FAM78B: variants seen among roughly 807,000 people sequenced by gnomAD.
FAM78B encodes the protein protein FAM78B.
Under a neutral mutation model 20.0 loss-of-function variants are expected in FAM78B, and 10 were observed. The ratio of observed to expected loss-of-function variants is 0.50; its 90% CI spans 0.31 to 0.85. The LOEUF (loss-of-function observed/expected upper bound fraction) is 0.85. FAM78B is among the 40% of genes least tolerant of loss of function. The pLI, the probability that FAM78B is intolerant of heterozygous loss-of-function variation, is 0.05. For synonymous variants in FAM78B, 135 were observed against 132.8 expected (o/e 1.02, Z -0.12); for missense variants, 283 against 345.0 (o/e 0.82, Z 1.42).
intron 1 of FAM78B, among the ~76,000 whole-genome samples, chr1:166,118,549 T>A (rs1369569730): frequency 6.6e-6 from 1 of 152,158 alleles, no homozygotes; most frequent in Non-Finnish European, 1.5e-5. Flanking sequence ...TGTTTTTATA[T>A]TAATAAATGA....
At chr1:166,130,981 CTTTTTT>C (rs869158425) in intron 1 of FAM78B, among the ~76,000 whole-genome samples, 6 of 114,066 alleles carry the variant, frequency 5.3e-5, no homozygotes, top group Admixed American at 2.6e-4. Context: ...TCCCCAGGTG[CTTTTTT>C]TTTTTTTTTT....
At chr1:166,116,276 C>T (rs1382196853) in intron 1 of FAM78B, among the ~76,000 whole-genome samples, 1 of 152,210 alleles carries the variant, frequency 6.6e-6, no homozygotes, top group Non-Finnish European at 1.5e-5. Flanking sequence ...CTGACCAGAA[C>T]CAGAGATGGG....
intron 1 of FAM78B, among the ~76,000 whole-genome samples, chr1:166,150,597 ATG>A (rs904034539): frequency 3.9e-5 from 6 of 152,224 alleles, no homozygotes; most frequent in African/African-American, 1.4e-4. Context: ...ACAAAGTAAA[ATG>A]TGAAAAAACT....
rs139487435 is a variant in FAM78B at position 166,136,465 on chromosome 1, C to G, written c.263+29521G>C. Among the ~76,000 whole-genome samples, 316 of 152,220 alleles carry G rather than the reference C, an allele frequency of 2.1e-3. 1 individual carries two copies. Among genetic ancestry groups the G allele is most frequent in the African/African-American group, 7.4e-3 (308 of 41,518 alleles). Reference sequence around the variant, plus strand: ...GTAACAGAGCAGCCATCTCCAGATGCCTTATCTCTCTGCCCTCACAGCTGC... The same window carrying G: ...GTAACAGAGCAGCCATCTCCAGATGGCTTATCTCTCTGCCCTCACAGCTGC... On this transcript the variant is annotated intron_variant, in intron 1 of 1. Transcript: ENST00000354422.
At chr1:166,163,847 C>A (rs757418373) in intron 1 of FAM78B, among the ~76,000 whole-genome samples, 4 of 152,150 alleles carry the variant, frequency 2.6e-5, no homozygotes, top group Non-Finnish European at 4.4e-5. Flanking sequence ...TATTGGGGGT[C>A]TATTTTTGCT....
intron 1 of FAM78B, among the ~76,000 whole-genome samples, chr1:166,126,472 C>T (rs1180648524): frequency 6.6e-6 from 1 of 152,032 alleles, no homozygotes; most frequent in East Asian, 1.9e-4. Flanking sequence ...CTGGGAGTGC[C>T]AGGGAATGGT....
chr1:166,111,709 T>C (rs10918367), intron 1 of FAM78B, among the ~76,000 whole-genome samples: 29,703 of 152,136 alleles, frequency 0.2, 3,303 homozygotes, highest in East Asian at 0.37. Context: ...TGGGGGTTTT[T>C]CAGGGGATCC....
intron 1 of FAM78B, among the ~76,000 whole-genome samples, chr1:166,073,470 C>T (rs1163499356): frequency 6.6e-6 from 1 of 151,872 alleles, no homozygotes; most frequent in African/African-American, 2.4e-5. Flanking sequence ...CTAATGTACA[C>T]CCCAAGGCAG....
intron 1 of FAM78B, among the ~76,000 whole-genome samples, chr1:166,089,428 G>A (rs1652978427): frequency 6.6e-6 from 1 of 152,178 alleles, no homozygotes; most frequent in Non-Finnish European, 1.5e-5. Flanking sequence ...GGGGCAAGAG[G>A]ATGGAGGAGA....
intron 1 of FAM78B, among the ~76,000 whole-genome samples, chr1:166,104,319 G>C (rs12144318): frequency 0.19 from 29,540 of 151,676 alleles, 3,289 homozygotes; most frequent in East Asian, 0.38. Flanking sequence ...TCTCTCACCA[G>C]TCCTATTCAA....
intron 1 of FAM78B, among the ~76,000 whole-genome samples, chr1:166,083,711 T>A (rs1388811952): frequency 6.6e-6 from 1 of 151,736 alleles, no homozygotes; most frequent in Non-Finnish European, 1.5e-5. Flanking sequence ...ACTATGTTGA[T>A]CAGGATGGTC....
chr1:166,131,897 G>A (rs1654890341), intron 1 of FAM78B, among the ~76,000 whole-genome samples: 1 of 152,134 alleles, frequency 6.6e-6, no homozygotes, highest in Non-Finnish European at 1.5e-5. Flanking sequence ...AGTCAGCTGG[G>A]GGCAGAAGAC....
At chr1:166,145,562 G>C (rs1310143961) in intron 1 of FAM78B, among the ~76,000 whole-genome samples, 1 of 152,228 alleles carries the variant, frequency 6.6e-6, no homozygotes, top group African/African-American at 2.4e-5. Flanking sequence ...GGATGAGTCA[G>C]ATGTTTTCCA....
chr1:166,109,618 T>C (rs1405042447), intron 1 of FAM78B, among the ~76,000 whole-genome samples: 2 of 151,166 alleles, frequency 1.3e-5, no homozygotes, highest in Non-Finnish European at 2.9e-5. Flanking sequence ...CTTAAAGAAC[T>C]AAAAGTAGAA....
rs573357262 is a variant in FAM78B, at chr1:166,124,414, C to T, written c.263+41572G>A. 2.6e-5 allele frequency among the ~76,000 whole-genome samples: 4 copies of T among 152,320 alleles called. No individual in the cohort carries two copies. In the South Asian group the frequency reaches 8.3e-4, roughly 32 times the overall value. ...CACGTAGCACTTACTATATGCCAGG[C>T]ACTGTTCTAGGCATTTGGTATATTT... On this transcript the variant is annotated intron_variant, in intron 1 of 1. Coordinates refer to ENST00000354422, the MANE Select transcript of FAM78B (RefSeq NM_001017961.5).
intron 1 of FAM78B, among the ~76,000 whole-genome samples, chr1:166,132,542 T>C (rs914101724): frequency 6.6e-6 from 1 of 152,224 alleles, no homozygotes; most frequent in South Asian, 2.1e-4. Context: ...TCAACCATTA[T>C]GACAAAGGGC....
intron 1 of FAM78B, among the ~76,000 whole-genome samples, chr1:166,121,673 G>A (rs1201754537): frequency 6.6e-6 from 1 of 152,168 alleles, no homozygotes; most frequent in Admixed American, 6.5e-5. Context: ...CCAAGGTTTA[G>A]CTGTCCCAAG....
rs1557891107 is a variant in FAM78B at position 166,077,924 on chromosome 1, TAA to T, written c.264-7163_264-7162del. Among the ~76,000 whole-genome samples, 12 of 1,390 alleles carry T rather than the reference TAA, an allele frequency of 8.6e-3. 2 individuals are homozygous for T. Among genetic ancestry groups the T allele is most frequent in the African/African-American group, 0.019 (12 of 616 alleles). 0.9% of individuals were successfully genotyped at this position (1,390 alleles called of 152,430 possible). On this transcript the variant is annotated intron_variant, in intron 1 of 1. Coordinates refer to ENST00000354422, the MANE Select transcript of FAM78B (RefSeq NM_001017961.5). ...TTTATATATATAATTATATATATAATAAATATATAATAATATATATAATTTAT... is the reference window on the plus strand; with the variant it reads ...TTTATATATATAATTATATATATAATATATATAATAATATATATAATTTAT...
chr1:166,061,562 G>A (rs1033430852), intron 2 of FAM78B, among the ~76,000 whole-genome samples: 12 of 152,148 alleles, frequency 7.9e-5, no homozygotes, highest in Admixed American at 6.5e-4. Flanking sequence ...AGTAGACAAC[G>A]CCATTACATA....
Sources: gnomAD v4.1 joint callset for allele counts (sites outside exome capture counted in the v4.1 genomes callset) on GRCh38, gnomAD v4.1.1 for gene constraint, MANE v1.5 for transcripts, NCBI Gene and HGNC (gene_info 2026-07-23, HGNC 2026-07-21) for gene names.